Variants in ARB2A observed in about 807,000 individuals in gnomAD.
ARB2A encodes cotranscriptional regulator ARB2A.
the ARB2A span, among the ~76,000 whole-genome samples, chr5:93,892,563 A>G: frequency 2.0e-5 from 3 of 152,124 alleles, no homozygotes; most frequent in Admixed American, 1.3e-4. Flanking sequence ...TAACATGCCA[A>G]TTAGAAGTTC....
chr5:94,048,795 T>C, the ARB2A span, among the ~76,000 whole-genome samples: 1 of 152,168 alleles, frequency 6.6e-6, no homozygotes, highest in Admixed American at 6.5e-5. Flanking sequence ...AACAAACTAA[T>C]CTGCCCATTG....
At chr5:94,044,222 C>T in the ARB2A span, among the ~76,000 whole-genome samples, 1 of 152,218 alleles carries the variant, frequency 6.6e-6, no homozygotes, top group South Asian at 2.1e-4. Context: ...TCATGGAACA[C>T]ATTCTAACTT....
At chr5:93,855,497 CATT>C in the ARB2A span, among the ~76,000 whole-genome samples, 1 of 152,142 alleles carries the variant, frequency 6.6e-6, no homozygotes, top group African/African-American at 2.4e-5. Context: ...TTGATCCTGT[CATT>C]ATGATGTTAG....
chr5:94,077,698 G>C, the ARB2A span, among the ~76,000 whole-genome samples: 1 of 152,270 alleles, frequency 6.6e-6, no homozygotes, highest in East Asian at 1.9e-4. Flanking sequence ...AGTTTATTTG[G>C]CATTATCTGA....
chr5:94,000,349 G>C, the ARB2A span, among the ~76,000 whole-genome samples: 1 of 151,926 alleles, frequency 6.6e-6, no homozygotes, highest in South Asian at 2.1e-4. Flanking sequence ...TTGGATTTTG[G>C]CCATTCTAAT....
At chr5:93,618,073 T>C in the ARB2A span, 1 of 152,094 alleles carries the variant, frequency 6.6e-6, no homozygotes, top group Admixed American at 6.5e-5. Flanking sequence ...CCGCTGTTGT[T>C]GGGAAAATTG....
chr5:93,792,690 G>T, the ARB2A span, among the ~76,000 whole-genome samples: 3 of 135,218 alleles, frequency 2.2e-5, no homozygotes, highest in South Asian at 7.7e-4. Context: ...ATCACACTCT[G>T]GGGACTGTTG....
the ARB2A span, among the ~76,000 whole-genome samples, chr5:93,991,195 A>G: frequency 6.6e-6 from 1 of 152,062 alleles, no homozygotes; most frequent in African/African-American, 2.4e-5. Context: ...CCAGTCTGCA[A>G]AGGCCTCATG....
chr5:94,017,695 T>G, the ARB2A span, among the ~76,000 whole-genome samples: 3 of 152,238 alleles, frequency 2.0e-5, no homozygotes, highest in East Asian at 5.8e-4. Context: ...AGACTGTAGG[T>G]TAAATCAGTG....
chr5:94,045,892 AT>A, the ARB2A span, among the ~76,000 whole-genome samples: 1 of 152,170 alleles, frequency 6.6e-6, no homozygotes, highest in Non-Finnish European at 1.5e-5. Context: ...GTCTTAAATC[AT>A]TTTTCATATA....
chr5:93,963,529 A>G, the ARB2A span, among the ~76,000 whole-genome samples: 2 of 152,012 alleles, frequency 1.3e-5, no homozygotes, highest in East Asian at 3.8e-4. Context: ...GGTTTCCTTT[A>G]AAAAAGGAAC....
chr5:93,951,143 T>G, the ARB2A span, among the ~76,000 whole-genome samples: 1 of 152,162 alleles, frequency 6.6e-6, no homozygotes, highest in Non-Finnish European at 1.5e-5. Context: ...GAGAAAAGTC[T>G]ATTAGGATCT....
At chr5:93,899,853 C>T in the ARB2A span, among the ~76,000 whole-genome samples, 5 of 152,016 alleles carry the variant, frequency 3.3e-5, no homozygotes, top group South Asian at 4.1e-4. Context: ...CTATGGAGTA[C>T]TTGAAAACAA....
the ARB2A span, among the ~76,000 whole-genome samples, chr5:93,923,792 G>C: frequency 6.6e-6 from 1 of 152,140 alleles, no homozygotes; most frequent in Admixed American, 6.5e-5. Flanking sequence ...CTGGGCAAGA[G>C]AGTGAGACCT....
chr5:93,897,613 T>C, the ARB2A span, among the ~76,000 whole-genome samples: 1 of 151,888 alleles, frequency 6.6e-6, no homozygotes, highest in Non-Finnish European at 1.5e-5. Flanking sequence ...CAAACTGGCA[T>C]AGAGGAAAAT....
chr5:93,771,123 C>G, the ARB2A span, among the ~76,000 whole-genome samples: 1 of 152,114 alleles, frequency 6.6e-6, no homozygotes, highest in African/African-American at 2.4e-5. Context: ...ATCAATGAAA[C>G]AGAACAGAGC....
the ARB2A span, among the ~76,000 whole-genome samples, chr5:94,069,059 T>TAGAC: frequency 6.7e-6 from 1 of 150,240 alleles, no homozygotes; most frequent in Admixed American, 6.6e-5. Flanking sequence ...GATAGATAGA[T>TAGAC]AGATAGATAG....
At chr5:93,898,701 C>T in the ARB2A span, among the ~76,000 whole-genome samples, 1 of 151,918 alleles carries the variant, frequency 6.6e-6, no homozygotes, top group Non-Finnish European at 1.5e-5. Flanking sequence ...CATACATACA[C>T]AAAAAATGAT....
chr5:93,909,870 G>T, the ARB2A span, among the ~76,000 whole-genome samples: 261 of 150,692 alleles, frequency 1.7e-3, no homozygotes, highest in Non-Finnish European at 3.1e-3. Context: ...AAAAATTTTT[G>T]CAGAGAAAGA....
Sources: gnomAD v4.1 joint callset for allele counts (sites outside exome capture counted in the v4.1 genomes callset) on GRCh38, gnomAD v4.1.1 for gene constraint, MANE v1.5 for transcripts, NCBI Gene and HGNC (gene_info 2026-07-23, HGNC 2026-07-21) for gene names.